SLF1: variants seen among roughly 807,000 people sequenced by gnomAD.
The protein encoded by SLF1 is SMC5/6 complex localization factor 1.
Under a neutral mutation model 123.0 loss-of-function variants are expected in SLF1, and 105 were observed. The observed-to-expected ratio is 0.85, with a 90% CI of 0.73 to 1.00. The LOEUF is 1.00. Ranked by LOEUF, SLF1 falls within the 50% of genes least tolerant of loss-of-function variation. The probability of loss-of-function intolerance (pLI) is 0.00; values close to 1 mark genes in which losing one functional copy is unlikely to be tolerated. For missense variants in SLF1, 1,239 were observed against 1,223.0 expected (o/e 1.01, Z -0.20); for synonymous variants, 434 against 406.6 (o/e 1.07, Z -0.81).
intron 1 of SLF1, among the ~76,000 whole-genome samples, chr5:94,619,350 CACAA>C (rs1791412055): frequency 6.6e-6 from 1 of 151,932 alleles, no homozygotes; most frequent in Non-Finnish European, 1.5e-5. Context: ...GGCCTTTAAA[CACAA>C]ACATACACAC....
chr5:94,684,041 C>A (rs1449703535), intron 15 of SLF1, among the ~76,000 whole-genome samples: 1 of 152,052 alleles, frequency 6.6e-6, no homozygotes, highest in Non-Finnish European at 1.5e-5. Context: ...AATATGTCGA[C>A]CTGTCATATT....
chr5:94,659,392 A>G (rs1009906215), intron 9 of SLF1, among the ~76,000 whole-genome samples: 6 of 151,924 alleles, frequency 3.9e-5, no homozygotes, highest in Non-Finnish European at 8.8e-5. Flanking sequence ...TACAGGTGCC[A>G]TGTTGTCTTG....
chr5:94,680,492 G>A (rs970563538), intron 15 of SLF1, among the ~76,000 whole-genome samples: 5 of 152,020 alleles, frequency 3.3e-5, no homozygotes, highest in Non-Finnish European at 7.4e-5. Flanking sequence ...CAGAATTCTG[G>A]CATTATTTGC....
At chr5:94,629,264 C>T in intron 3 of SLF1, 97 bp downstream of exon 3, 1 of 809,630 alleles carries the variant, frequency 1.2e-6, no homozygotes, top group Non-Finnish European at 1.8e-6. Context: ...ACATATCAAA[C>T]CTAAATGTGT....
intron 18 of SLF1, among the ~76,000 whole-genome samples, chr5:94,690,626 A>C (rs1752959230): frequency 6.6e-6 from 1 of 152,196 alleles, no homozygotes; most frequent in African/African-American, 2.4e-5. Flanking sequence ...TAGAAGTTAG[A>C]GATAATCTGT....
At chr5:94,638,145 T>C (rs899667439) in intron 4 of SLF1, among the ~76,000 whole-genome samples, 4 of 152,040 alleles carry the variant, frequency 2.6e-5, no homozygotes, top group African/African-American at 9.7e-5. Flanking sequence ...TTTTGTGAGC[T>C]CCACCTCCTT....
chr5:94,681,519 T>G (rs1010765451), intron 15 of SLF1, among the ~76,000 whole-genome samples: 31 of 152,248 alleles, frequency 2.0e-4, no homozygotes, highest in African/African-American at 7.2e-4. Context: ...TATTATACTT[T>G]AAGTTTTAGG....
At chr5:94,628,563 A>G (rs905856327) in intron 1 of SLF1, among the ~76,000 whole-genome samples, 3 of 152,250 alleles carry the variant, frequency 2.0e-5, no homozygotes, top group African/African-American at 4.8e-5. Context: ...GTATTAATCC[A>G]GACTTTCAAT....
intron 4 of SLF1, among the ~76,000 whole-genome samples, chr5:94,638,350 T>G (rs903007044): frequency 6.6e-6 from 1 of 151,888 alleles, no homozygotes; most frequent in African/African-American, 2.4e-5. Context: ...GCTAATTTTT[T>G]TTGTGTTTTT....
intron 1 of SLF1, among the ~76,000 whole-genome samples, chr5:94,624,952 C>T (rs1315158382): frequency 6.6e-6 from 1 of 151,380 alleles, no homozygotes; most frequent in East Asian, 1.9e-4. Flanking sequence ...TTTGGGAGGC[C>T]GAGGCAGGCG....
rs371534156 is a variant in SLF1, at chr5:94,672,535, A to G, written c.1827+1527A>G. Reference sequence around the variant, plus strand: ...CCCCATATAGATTTTTTTTTTCTGTACTTGCCACATTCTGGATAGTATTTT... The same window carrying G: ...CCCCATATAGATTTTTTTTTTCTGTGCTTGCCACATTCTGGATAGTATTTT... On this transcript the variant is annotated intron_variant, in intron 14 of 20. Transcript: ENST00000265140. 1.9e-4 allele frequency among the ~76,000 whole-genome samples: 26 copies of G among 136,176 alleles called. No individual in the cohort carries two copies. The South Asian group carries it at 5.9e-3, about 31-fold the overall frequency. 89.3% of individuals were successfully genotyped at this position (136,176 alleles called of 152,430 possible). A position where few individuals can be genotyped will look rare whatever the true frequency, so the allele number is the denominator to read the frequency against.
intron 1 of SLF1, among the ~76,000 whole-genome samples, chr5:94,624,057 A>G (rs923363238): frequency 6.6e-6 from 1 of 152,116 alleles, no homozygotes; most frequent in African/African-American, 2.4e-5. Context: ...TGTGCTAGTT[A>G]TTTTGGGCCG....
intron 9 of SLF1, among the ~76,000 whole-genome samples, chr5:94,656,509 C>T (rs145835336): frequency 2.4e-3 from 369 of 151,886 alleles, no homozygotes; most frequent in African/African-American, 8.6e-3. Context: ...CCTTGTAGAA[C>T]GAGTTAGGTA....
At chr5:94,641,652 G>A (rs563514434) in intron 4 of SLF1, among the ~76,000 whole-genome samples, 1 of 152,222 alleles carries the variant, frequency 6.6e-6, no homozygotes, top group Admixed American at 6.5e-5. Flanking sequence ...AAACTACTAG[G>A]TCATAGAAGG....
At chr5:94,690,904 T>TA in intron 18 of SLF1, among the ~76,000 whole-genome samples, 1 of 150,032 alleles carries the variant, frequency 6.7e-6, no homozygotes, top group East Asian at 2.0e-4. Flanking sequence ...ACTAGGGATT[T>TA]TTTTTTTTTT....
At chr5:94,669,704 T>TAA (rs11424313) in intron 12 of SLF1, among the ~76,000 whole-genome samples, 40,648 of 151,714 alleles carry the variant, frequency 0.27, 5,889 homozygotes, top group African/African-American at 0.33. Flanking sequence ...TTAAAAACGC[T>TAA]AAAAAAGTAG....
chr5:94,685,541 A>G (rs1258271957), intron 15 of SLF1, among the ~76,000 whole-genome samples: 1 of 152,218 alleles, frequency 6.6e-6, no homozygotes, highest in Non-Finnish European at 1.5e-5. Flanking sequence ...ATAATATTAA[A>G]TAGATCACAT....
In SLF1 at chr5:94,674,068, T is replaced by C. The variant is rs138777366; in HGVS notation, c.1827+3060T>C. 6.3e-3 allele frequency among the ~76,000 whole-genome samples: 959 copies of C among 152,338 alleles called. 5 individuals carry two copies. Among genetic ancestry groups the C allele is most frequent in the Non-Finnish European group, 0.01 (686 of 68,024 alleles). On this transcript the variant is annotated intron_variant, in intron 14 of 20. Transcript: ENST00000265140. ...ATTGAGTATAGCACTTTAAAGCTGATAGCATCTTTATAAATTACCATCTGT... is the reference window on the plus strand; with the variant it reads ...ATTGAGTATAGCACTTTAAAGCTGACAGCATCTTTATAAATTACCATCTGT...
rs371247450 is a variant in SLF1 at position 94,694,922 on chromosome 5, T to C, written c.2787T>C (p.Ile929=). 54 of 1,611,900 alleles carry C rather than the reference T, an allele frequency of 3.4e-5. No homozygotes were observed. Among genetic ancestry groups the C allele is most frequent in the Non-Finnish European group, 4.4e-5 (52 of 1,179,004 alleles). The change falls in exon 21 of 21, where the codon ATT becomes ATC. Residue 929 remains isoleucine (I), a synonymous_variant. Coordinates refer to ENST00000265140, the MANE Select transcript of SLF1 (RefSeq NM_032290.4). ...AAATCAAAGAAGAACTGTTTGCTAT[T>C]ACAAAAATAGAAGATACAGTGGAGA... The part of the protein sequence containing the change: ...SPQIKEELFA[I]TKIEDTVENF...
Sources: allele counts gnomAD v4.1 joint callset (sites outside exome capture counted in the v4.1 genomes callset), GRCh38; gene constraint gnomAD v4.1.1; transcripts MANE v1.5; gene names NCBI Gene and HGNC (gene_info 2026-07-23, HGNC 2026-07-21).